The following PDE10A variants were observed in gnomAD, a reference collection of about 807,000 sequenced individuals.
The protein encoded by PDE10A is cAMP and cAMP-inhibited cGMP 3',5'-cyclic phosphodiesterase 10A.
In PDE10A, 39 loss-of-function variants were observed where a neutral mutation model predicts 97.7. The observed-to-expected ratio is 0.40, with a 90% CI of 0.31 to 0.52. PDE10A has a LOEUF of 0.52. Among genes scored for constraint, PDE10A ranks in the 20% least tolerant of loss-of-function variants. The pLI, the probability that PDE10A is intolerant of heterozygous loss-of-function variation, is 0.56. For missense variants in PDE10A, 731 were observed against 1,047.8 expected (o/e 0.70, Z 4.17); for synonymous variants, 371 against 376.8 (o/e 0.98, Z 0.18).
At chr6:165,588,955 T>C (rs146737353) in intron 1 of PDE10A, among the ~76,000 whole-genome samples, 2 of 152,350 alleles carry the variant, frequency 1.3e-5, no homozygotes, top group East Asian at 1.9e-4. Context: ...TAAAAGTCTC[T>C]GTAAGTATCT....
chr6:165,982,016 T>C (rs1193605944), intron 1 of PDE10A, among the ~76,000 whole-genome samples: 2 of 152,204 alleles, frequency 1.3e-5, no homozygotes, highest in Non-Finnish European at 2.9e-5. Flanking sequence ...CTATTTCCCA[T>C]ACCCAGTTTC....
chr6:165,816,913 G>A (rs1779432151), intron 1 of PDE10A, among the ~76,000 whole-genome samples: 1 of 152,172 alleles, frequency 6.6e-6, no homozygotes, highest in African/African-American at 2.4e-5. Context: ...AGGGGATGAT[G>A]GGTGCGGCAC....
intron 1 of PDE10A, among the ~76,000 whole-genome samples, chr6:165,619,504 G>GTAGTCTAGTGTAGTC (rs1258905188): frequency 1.0e-4 from 2 of 19,338 alleles, no homozygotes; most frequent in African/African-American, 2.6e-4. Context: ...GTAGTCTAGT[G>GTAGTCTAGTGTAGTC]TAGTGTAGTC....
At chr6:165,619,089 CTAG>C (rs1787883019) in intron 1 of PDE10A, among the ~76,000 whole-genome samples, 1 of 54,370 alleles carries the variant, frequency 1.8e-5, no homozygotes, top group Non-Finnish European at 3.7e-5. Flanking sequence ...CTAGTGTAGT[CTAG>C]TGTAGTGTAG....
chr6:165,941,220 A>G (rs547710263), intron 1 of PDE10A, among the ~76,000 whole-genome samples: 1 of 152,352 alleles, frequency 6.6e-6, no homozygotes, highest in African/African-American at 2.4e-5. Flanking sequence ...AGATGATACC[A>G]GTAAAACACT....
intron 1 of PDE10A, among the ~76,000 whole-genome samples, chr6:165,747,155 GAC>G (rs1792861967): frequency 6.6e-6 from 1 of 152,138 alleles, no homozygotes; most frequent in Non-Finnish European, 1.5e-5. Context: ...GAAAGTGGTT[GAC>G]ACTTTTACAT....
chr6:165,587,095 A>C lies in PDE10A; in HGVS notation c.866-43527T>G, dbSNP rs558591408. On this transcript the variant is annotated intron_variant, in intron 1 of 21. Transcript: ENST00000539869. Reference sequence around the variant, plus strand: ...AAGGATGAGCGCAGGGGAAGTGGAAAAGGAGAGAGTAGAATGGCACGTGGA... The same window carrying C: ...AAGGATGAGCGCAGGGGAAGTGGAACAGGAGAGAGTAGAATGGCACGTGGA... Among the ~76,000 whole-genome samples the C allele has an allele frequency of 2.6e-5, 4 of 152,276 alleles. No individual in the cohort carries two copies. In the South Asian group the frequency reaches 8.3e-4, roughly 32 times the overall value.
chr6:165,535,602 CGTGTGT>C (rs140536079), intron 2 of PDE10A, among the ~76,000 whole-genome samples: 1 of 148,842 alleles, frequency 6.7e-6, no homozygotes, highest in Non-Finnish European at 1.5e-5. Flanking sequence ...TGTGTGTGCG[CGTGTGT>C]GTGTGTGTGT....
intron 3 of PDE10A, among the ~76,000 whole-genome samples, chr6:165,463,257 G>A (rs1778432686): frequency 6.6e-6 from 1 of 152,154 alleles, no homozygotes; most frequent in East Asian, 1.9e-4. Context: ...CAAATGATAT[G>A]GCTCATTGTA....
chr6:165,365,966 T>G (rs959754889), intron 18 of PDE10A, among the ~76,000 whole-genome samples: 1 of 152,046 alleles, frequency 6.6e-6, no homozygotes, highest in Non-Finnish European at 1.5e-5. Context: ...CCTCAGCCTA[T>G]TAAAGAACTA....
chr6:165,951,495 C>G (rs979144901), intron 1 of PDE10A, among the ~76,000 whole-genome samples: 1 of 152,096 alleles, frequency 6.6e-6, no homozygotes, highest in African/African-American at 2.4e-5. Flanking sequence ...TCCCTACCAA[C>G]CGTCAATTGC....
intron 1 of PDE10A, among the ~76,000 whole-genome samples, chr6:165,889,106 G>T (rs1267851757): frequency 6.6e-6 from 1 of 152,212 alleles, no homozygotes; most frequent in Non-Finnish European, 1.5e-5. Flanking sequence ...GTAACATTTT[G>T]TTGGGAAGCA....
At chr6:165,792,304 A>G (rs1219780203) in intron 1 of PDE10A, among the ~76,000 whole-genome samples, 1 of 152,200 alleles carries the variant, frequency 6.6e-6, no homozygotes, top group East Asian at 1.9e-4. Flanking sequence ...TGGATGGAGC[A>G]GGACGCAGGC....
chr6:165,435,602 A>C (rs1789957060), intron 5 of PDE10A, among the ~76,000 whole-genome samples: 1 of 152,208 alleles, frequency 6.6e-6, no homozygotes, highest in Non-Finnish European at 1.5e-5. Context: ...ACTTAAATGA[A>C]TGTACAGGCA....
intron 17 of PDE10A, among the ~76,000 whole-genome samples, chr6:165,384,672 G>GTAT (rs1322300077): frequency 2.2e-4 from 12 of 53,790 alleles, no homozygotes; most frequent in African/African-American, 7.4e-4. Context: ...GTGTGTGTAT[G>GTAT]GGGGGGGGCG....
chr6:165,416,122 A>G (rs1461659973), intron 12 of PDE10A, 67 bp downstream of exon 12: 1 of 1,018,376 alleles, frequency 9.8e-7, no homozygotes, highest in Non-Finnish European at 1.6e-6. Flanking sequence ...GCTCCACGGA[A>G]GAGGTTTCAG....
At chr6:165,376,293 G>A (rs1784598580) in intron 18 of PDE10A, among the ~76,000 whole-genome samples, 1 of 152,212 alleles carries the variant, frequency 6.6e-6, no homozygotes, top group Non-Finnish European at 1.5e-5. Context: ...AACTAGTGGA[G>A]CCTGAAAATG....
chr6:165,734,638 T>G (rs1792519977), intron 1 of PDE10A, among the ~76,000 whole-genome samples: 2 of 146,238 alleles, frequency 1.4e-5, no homozygotes, highest in African/African-American at 2.5e-5. Flanking sequence ...TGAGAGAGAG[T>G]TAGTGAATGG....
chr6:165,448,777 T>G, intron 5 of PDE10A, 151 bp downstream of exon 5: 1 of 546,456 alleles, frequency 1.8e-6, no homozygotes, highest in Non-Finnish European at 3.2e-6. Context: ...AGTAAAATTC[T>G]TGACTGGTAA....
Sources: gnomAD v4.1 joint callset for allele counts (sites outside exome capture counted in the v4.1 genomes callset) on GRCh38, gnomAD v4.1.1 for gene constraint, MANE v1.5 for transcripts, NCBI Gene and HGNC (gene_info 2026-07-23, HGNC 2026-07-21) for gene names.